Variants in CFAP47 observed in about 807,000 individuals in gnomAD.
CFAP47 encodes the protein cilia and flagella associated protein 47, also known as cilia- and flagella-associated protein 47.
A neutral mutation model predicts 148.1 loss-of-function variants in CFAP47; 29 were observed. That is an observed-to-expected ratio of 0.20 (90% CI 0.15 to 0.27). The LOEUF (loss-of-function observed/expected upper bound fraction) is 0.27, where lower values mean the gene tolerates loss of function less well. Among genes scored for constraint, CFAP47 ranks in the 10% least tolerant of loss-of-function variants. The pLI, the probability that CFAP47 is intolerant of heterozygous loss-of-function variation, is 1.00. For missense variants in CFAP47, 1,872 were observed against 1,697.5 expected (o/e 1.10, Z -1.81); for synonymous variants, 664 against 577.3 (o/e 1.15, Z -2.15).
intron 30 of CFAP47, among the ~76,000 whole-genome samples, chrX:36,089,294 G>A (rs1019819432): frequency 1.8e-5 from 2 of 110,302 alleles, no homozygotes; most frequent in East Asian, 2.8e-4. Flanking sequence ...ACTTGAACCC[G>A]GGAGGCGAAG....
At position 36,213,121 on chromosome X, in the gene CFAP47, A is replaced by G. The variant is rs782310323; in HGVS notation, c.6817+8011A>G. On this transcript the variant is annotated intron_variant, in intron 45 of 63. Coordinates refer to ENST00000378653, the MANE Select transcript of CFAP47 (RefSeq NM_001304548.2). ...TAACCTCCAACTATTATTATTATATATTATTATTAAAAAGCCTATTTCTCT... is the reference window on the plus strand; with the variant it reads ...TAACCTCCAACTATTATTATTATATGTTATTATTAAAAAGCCTATTTCTCT... Among the ~76,000 whole-genome samples the G allele has an allele frequency of 3.6e-5, 4 of 111,284 alleles. No individual in the cohort carries two copies. The South Asian group carries it at 1.5e-3, about 42-fold the overall frequency.
intron 42 of CFAP47, among the ~76,000 whole-genome samples, chrX:36,191,172 T>A (rs782628891): frequency 8.9e-6 from 1 of 111,876 alleles, no homozygotes; most frequent in East Asian, 2.8e-4. Context: ...AGGATTTAAG[T>A]AAATTCCTGC....
intron 25 of CFAP47, among the ~76,000 whole-genome samples, chrX:36,040,356 A>G (rs1937388555): frequency 8.9e-6 from 1 of 112,161 alleles, no homozygotes; most frequent in Non-Finnish European, 1.9e-5. Context: ...AAATATGACT[A>G]GTCCTTCATA....
intron 37 of CFAP47, among the ~76,000 whole-genome samples, chrX:36,151,084 A>G (rs1033461494): frequency 1.8e-5 from 2 of 112,139 alleles, no homozygotes; most frequent in Non-Finnish European, 3.8e-5. Flanking sequence ...CTGATAGCCT[A>G]TTCCAGTATT....
At chrX:36,380,059 T>G (rs1186295984) in intron 63 of CFAP47, among the ~76,000 whole-genome samples, 1 of 112,360 alleles carries the variant, frequency 8.9e-6, no homozygotes, top group Admixed American at 9.4e-5. Context: ...TTTTGAACAT[T>G]TATTCAGTAA....
chrX:36,261,893 A>AG (rs1940830409), intron 49 of CFAP47, among the ~76,000 whole-genome samples: 1 of 110,448 alleles, frequency 9.1e-6, no homozygotes, highest in African/African-American at 3.3e-5. Context: ...ACTTCCCAGA[A>AG]GGGGCGGCCG....
chrX:36,039,045 T>C lies in CFAP47; in HGVS notation c.3873T>C (p.Tyr1291=). ...TTTTAAATTATATTCCAGTTTGCTA[T>C]AAAATATTACATCTTACTGGGGAAG... is the stretch of plus-strand genomic sequence containing the variant. ...PMLLNYIPVC[Y]KILHLTGEVK... is the part of the protein sequence containing the mutation. The change falls in exon 25 of 64, where the codon TAT becomes TAC. Residue 1291 remains tyrosine (Y), a synonymous_variant. Coordinates refer to ENST00000378653, the MANE Select transcript of CFAP47 (RefSeq NM_001304548.2). 1 of 1,133,410 alleles carries C rather than the reference T, an allele frequency of 8.8e-7. No individual in the cohort carries two copies. The highest frequency in any genetic ancestry group is 1.8e-5 in the African/African-American group (1 of 55,640). 93.4% of individuals were successfully genotyped at this position (1,133,410 alleles called of 1,213,427 possible). A position where few individuals can be genotyped will look rare whatever the true frequency, so the allele number is the denominator to read the frequency against.
chrX:36,344,257 GAAA>G (rs373568132), intron 57 of CFAP47, among the ~76,000 whole-genome samples: 1 of 61,630 alleles, frequency 1.6e-5, no homozygotes, highest in Non-Finnish European at 3.5e-5. Context: ...AAGAGAGAAA[GAAA>G]AAAAAAAAGG....
rs1306313572 is a variant in CFAP47, at chrX:36,138,038, G to A, written c.5401G>A (p.Ala1801Thr). 5.7e-6 allele frequency: 5 copies of A among 880,340 alleles called. No homozygotes were observed. Among genetic ancestry groups the A allele is most frequent in the African/African-American group, 2.0e-5 (1 of 50,232 alleles). 72.5% of individuals were successfully genotyped at this position (880,340 alleles called of 1,213,427 possible). Residue 1801 changes from alanine to threonine, a missense_variant, in exon 34 of 64, where the codon GCC becomes ACC. Physicochemically the swap from Ala to Thr is moderately conservative, Grantham distance 58. Coordinates refer to ENST00000378653, the MANE Select transcript of CFAP47 (RefSeq NM_001304548.2). ...DGLVFATQLG[A>T]YCPFLIESHF... ...TCTTGTTTTTGCAACACAGTTGGGA[G>A]CCTATTGCCCATTCTTGGTAAGAGT...
intron 33 of CFAP47, among the ~76,000 whole-genome samples, chrX:36,112,201 T>G (rs967487684): frequency 1.8e-5 from 2 of 111,815 alleles, no homozygotes; most frequent in Admixed American, 1.9e-4. Context: ...TGTTAGGTGG[T>G]TAAATCGACA....
At chrX:36,026,871 T>C (rs1294016358) in intron 22 of CFAP47, among the ~76,000 whole-genome samples, 2 of 110,136 alleles carry the variant, frequency 1.8e-5, no homozygotes, top group East Asian at 2.8e-4. Context: ...TATAATTCGA[T>C]TGAATATATA....
chrX:36,024,566 G>A (rs983859717), intron 22 of CFAP47, among the ~76,000 whole-genome samples: 1 of 111,100 alleles, frequency 9.0e-6, no homozygotes, highest in African/African-American at 3.3e-5. Context: ...TTTTATCTAG[G>A]GTTCCACAGC....
chrX:36,071,488 T>C (rs1937751301), intron 27 of CFAP47, among the ~76,000 whole-genome samples: 1 of 112,437 alleles, frequency 8.9e-6, no homozygotes, highest in Admixed American at 9.4e-5. Context: ...ATTTCATTTA[T>C]TTGGATGTAG....
intron 33 of CFAP47, among the ~76,000 whole-genome samples, chrX:36,124,284 C>T (rs1394657686): frequency 9.0e-6 from 1 of 111,377 alleles, no homozygotes; most frequent in East Asian, 2.9e-4. Flanking sequence ...AGTGGTGTCT[C>T]GATAGGTTGC....
intron 61 of CFAP47, among the ~76,000 whole-genome samples, chrX:36,362,407 A>G (rs1556019442): frequency 8.9e-6 from 1 of 112,321 alleles, no homozygotes; most frequent in Non-Finnish European, 1.9e-5. Context: ...GTAAGTGAGA[A>G]CATGCAGTAT....
chrX:36,182,642 T>C (rs1407307513), intron 40 of CFAP47, among the ~76,000 whole-genome samples: 3 of 112,150 alleles, frequency 2.7e-5, no homozygotes, highest in Non-Finnish European at 5.6e-5. Flanking sequence ...TAGCAGTGCC[T>C]CTATGATTAA....
chrX:36,224,584 A>G (rs1185677475), intron 45 of CFAP47, among the ~76,000 whole-genome samples: 1 of 111,845 alleles, frequency 8.9e-6, no homozygotes, highest in African/African-American at 3.2e-5. Flanking sequence ...CTTCTTTTAC[A>G]TTAGTCTCTT....
intron 51 of CFAP47, among the ~76,000 whole-genome samples, chrX:36,286,877 ATAAAT>A (rs1192951822): frequency 9.0e-6 from 1 of 111,532 alleles, no homozygotes; most frequent in Non-Finnish European, 1.9e-5. Context: ...CAATTTTAAA[ATAAAT>A]TATAGATGGT....
intron 22 of CFAP47, among the ~76,000 whole-genome samples, chrX:36,027,704 G>A (rs943259756): frequency 1.8e-5 from 2 of 111,129 alleles, no homozygotes; most frequent in African/African-American, 6.5e-5. Flanking sequence ...AAATGGTAGT[G>A]CAATTTTTAG....
Sources: allele counts gnomAD v4.1 joint callset (sites outside exome capture counted in the v4.1 genomes callset), GRCh38; gene constraint gnomAD v4.1.1; transcripts MANE v1.5; gene names NCBI Gene and HGNC (gene_info 2026-07-23, HGNC 2026-07-21).